Variants in LGI4 observed in about 807,000 individuals in gnomAD.
LGI4 encodes the protein leucine rich repeat LGI family member 4, also known as leucine-rich repeat LGI family member 4.
LGI4 carries 36 observed loss-of-function variants against 48.3 expected under a neutral mutation model. That is an observed-to-expected ratio of 0.75 (90% CI 0.57 to 0.98). LGI4 has a LOEUF of 0.98. Ranked by LOEUF, LGI4 falls within the 50% of genes least tolerant of loss-of-function variation. LGI4 has a pLI of 0.00. For synonymous variants in LGI4, 355 were observed against 331.6 expected, an observed-to-expected ratio of 1.07 and a Z score of -0.77; for missense variants, 701 against 732.1, an observed-to-expected ratio of 0.96 and a Z score of 0.49.
At chr19:35,133,921 C>G in intron 2 of LGI4, 112 bp downstream of exon 2, 1 of 1,288,898 alleles carries the variant, frequency 7.8e-7, no homozygotes, top group East Asian at 2.5e-5. Context: ...CATACACCCC[C>G]ACACACGTGC....
rs766169320 is a variant in LGI4, at chr19:35,133,716, C to T, written c.291G>A (p.Ala97=). The change falls in exon 3 of 9, where the codon GCG becomes GCA. Residue 97 remains alanine (A), a synonymous_variant. Coordinates refer to ENST00000310123, the MANE Select transcript of LGI4 (RefSeq NM_139284.3). ...SFSVIEDDAF[A]GLSHLQYLFI... is the part of the protein sequence containing the mutation. ...ACAGGTACTGCAGGTGGGACAGGCC[C>T]GCAAATGCATCGTCCTCAATCACGG... 36 of 1,608,040 alleles carry T rather than the reference C, an allele frequency of 2.2e-5. No individual in the cohort carries two copies. Among genetic ancestry groups the T allele is most frequent in the East Asian group, 4.5e-5 (2 of 44,734 alleles).
At chr19:35,125,775 C>A in intron 8 of LGI4, 1 of 660,532 alleles carries the variant, frequency 1.5e-6, no homozygotes, top group East Asian at 3.0e-5. Flanking sequence ...GGCTGAACTC[C>A]ATCCCCTCCT....
chr19:35,127,533 G>T (rs1310538277), intron 6 of LGI4, among the ~76,000 whole-genome samples: 2 of 151,778 alleles, frequency 1.3e-5, no homozygotes, highest in Non-Finnish European at 2.9e-5. Context: ...AATTACAGGC[G>T]CCCGCTACCA....
intron 3 of LGI4, among the ~76,000 whole-genome samples, chr19:35,132,882 A>C (rs2145368618): frequency 6.6e-6 from 1 of 152,182 alleles, no homozygotes; most frequent in Admixed American, 6.5e-5. Context: ...CCACTGCCGG[A>C]GTTTCCATAA....
intron 1 of LGI4, 137 bp from the exon 2 acceptor site, chr19:35,134,241 C>G: frequency 2.4e-6 from 2 of 851,052 alleles, no homozygotes; most frequent in Non-Finnish European, 3.8e-6. Flanking sequence ...CCAGAGGAGG[C>G]AGGCATTTGC....
At chr19:35,133,947 A>T (rs1334326755) in intron 2 of LGI4, 86 bp downstream of exon 2, 1 of 1,403,662 alleles carries the variant, frequency 7.1e-7, no homozygotes, top group Non-Finnish European at 9.9e-7. Flanking sequence ...TGCCCACCTG[A>T]CATCTGTGTG....
At position 35,125,057 on chromosome 19, in the gene LGI4, A is replaced by C. The variant is rs768647443; in HGVS notation, c.*136T>G. On this transcript the variant is annotated 3_prime_UTR_variant, in exon 9 of 9. Transcript: ENST00000310123. ...TGCAGATCCTTTAAGAAGTGGGCTT[A>C]AGGCCTAGACGTGTGGCTGATGAAC... 4 of 662,426 alleles carry C rather than the reference A, an allele frequency of 6.0e-6. No homozygotes were observed. Among genetic ancestry groups the C allele is most frequent in the Non-Finnish European group, 4.7e-6 (2 of 422,712 alleles). 41.0% of individuals were successfully genotyped at this position (662,426 alleles called of 1,614,324 possible).
chr19:35,133,258 A>T (rs2065187397), intron 3 of LGI4: 2 of 827,090 alleles, frequency 2.4e-6, no homozygotes, highest in African/African-American at 3.7e-5. Context: ...TGCCACCATC[A>T]CCACCACTAC....
rs1430705833 is a variant in LGI4, at chr19:35,127,024, G to A, written c.629-7C>T. 1 of 1,574,876 alleles carries A rather than the reference G, an allele frequency of 6.3e-7. No homozygotes were observed. The highest frequency in any genetic ancestry group is 1.7e-5 in the Admixed American group (1 of 57,768). ...GTCTGGAACCAGGACAGCTCTGTGG[G>A]TGGAGAAGAGAGTCAGGCAGGCCCC... On this transcript the variant is annotated splice_region_variant and splice_polypyrimidine_tract_variant and intron_variant, in intron 6 of 8. Transcript: ENST00000310123.
chr19:35,126,244 C>A, intron 8 of LGI4, 26 bp downstream of exon 8: 1 of 1,603,714 alleles, frequency 6.2e-7, no homozygotes, highest in Non-Finnish European at 8.5e-7. Flanking sequence ...GAAAAGCCAG[C>A]CCCCCGCCCC....
rs1394707515 is a variant in LGI4 at position 35,126,132 on chromosome 19, C to A, written c.1299+138G>T. The A allele has an allele frequency of 4.2e-6, 4 of 948,084 alleles. No individual in the cohort carries two copies. In the African/African-American group the frequency reaches 6.5e-5, roughly 15 times the overall value. The allele number at this position is 948,084 out of a possible 1,614,324, so 58.7% of individuals were successfully genotyped here. ...CGGAGTCAGCCAGCCTTGAGGGGGT[C>A]AGAGTCTTGGCATCAGTGTGGGGTG... On this transcript the variant is annotated intron_variant, in intron 8 of 8. Coordinates refer to ENST00000310123, the MANE Select transcript of LGI4 (RefSeq NM_139284.3).
rs751396031 is a variant in LGI4, at chr19:35,126,922, C to G, written c.724G>C (p.Ala242Pro). ...CAGGAGAGAATCAGGCAGCGGCCGG[C>G]GAAGGGCTGTGCCAGCACAATGTGA... is the stretch of plus-strand genomic sequence containing the variant. ...EPHIVLAQPFAGRCLILSWDY... is the reference protein window; with the variant it reads ...EPHIVLAQPFPGRCLILSWDY... The change falls in exon 7 of 9, where the codon GCC becomes CCC. Residue 242 changes from alanine to proline, a missense_variant. By Grantham distance (27) the Ala-to-Pro change is conservative (BLOSUM62 -1). Transcript: ENST00000310123. The G allele has an allele frequency of 6.2e-6, 10 of 1,613,608 alleles. No individual in the cohort carries two copies. Among genetic ancestry groups the G allele is most frequent in the Non-Finnish European group, 7.6e-6 (9 of 1,179,942 alleles).
intron 8 of LGI4, chr19:35,125,956 A>C: frequency 1.9e-6 from 1 of 538,042 alleles, no homozygotes; most frequent in Non-Finnish European, 3.4e-6. Context: ...GCAGTGCTTA[A>C]CCCTAGCATC....
chr19:35,130,993 C>G (rs899757709), intron 6 of LGI4: 5 of 550,582 alleles, frequency 9.1e-6, no homozygotes, highest in African/African-American at 7.7e-5. Flanking sequence ...TAAAAGGCAA[C>G]AAAATCTATT....
At chr19:35,133,324 C>T (rs12985670) in intron 3 of LGI4, 154,871 of 1,102,682 alleles carry the variant, frequency 0.14, 11,866 homozygotes, top group Non-Finnish European at 0.16. Context: ...CTACCTAATT[C>T]AGAGTTGTTT....
rs752887615 is a variant in LGI4 at position 35,126,999 on chromosome 19, G to A, written c.647C>T (p.Thr216Met). Residue 216 changes from threonine (T) to methionine (M), a missense_variant, in exon 7 of 9, where the codon ACG becomes ATG. Physicochemically the swap from Thr to Met is moderately conservative, Grantham distance 81 (BLOSUM62 -1). Transcript: ENST00000310123. ...TACGCTCAGTGCCGACTCCCCCACCGTCTGGAACCAGGACAGCTCTGTGGG... is the reference window on the plus strand; with the variant it reads ...TACGCTCAGTGCCGACTCCCCCACCATCTGGAACCAGGACAGCTCTGTGGG... ...CRAIELSWFQ[T>M]VGESALSVEP... 50 of 1,599,786 alleles carry A rather than the reference G, an allele frequency of 3.1e-5. No homozygotes were observed. The highest frequency in any genetic ancestry group is 4.0e-5 in the Non-Finnish European group (47 of 1,170,310).
intron 5 of LGI4, 93 bp downstream of exon 5, chr19:35,131,696 A>G: frequency 1.4e-6 from 2 of 1,383,496 alleles, no homozygotes; most frequent in East Asian, 2.5e-5. Context: ...CTGCAGCCAA[A>G]TGCATGCACG....
In LGI4 at chr19:35,134,549, CG is replaced by C; in HGVS notation, c.131del (p.Pro44ArgfsTer24). 1.3e-6 allele frequency: 2 copies of C among 1,585,894 alleles called. No individual in the cohort carries two copies. Among genetic ancestry groups the C allele is most frequent in the South Asian group, 1.2e-5 (1 of 86,674 alleles). Reference protein sequence around the residue: ...SKDSALCEGSPDLPVSFSPTL... With the variant: ...SKDSALCEGSXDLPVSFSPTL... ...TCGGAGAGAAGCTGACGGGCAGGTC[CG>C]GGGAGCCCTCACACAGGGCGCTGTC... On this transcript the variant is annotated frameshift_variant, in exon 1 of 9. Coordinates refer to ENST00000310123, the MANE Select transcript of LGI4 (RefSeq NM_139284.3). LOFTEE classifies it high-confidence loss of function.
chr19:35,133,073 A>G (rs2145368807), intron 3 of LGI4, among the ~76,000 whole-genome samples: 1 of 152,266 alleles, frequency 6.6e-6, no homozygotes, highest in East Asian at 1.9e-4. Context: ...GATTTCATCC[A>G]TAGCATCATC....
Sources: gnomAD v4.1 joint callset for allele counts (sites outside exome capture counted in the v4.1 genomes callset) on GRCh38, gnomAD v4.1.1 for gene constraint, MANE v1.5 for transcripts, NCBI Gene and HGNC (gene_info 2026-07-23, HGNC 2026-07-21) for gene names.